Variants in DYM observed in about 807,000 individuals in gnomAD.
DYM encodes the protein dymeclin.
Under a neutral mutation model 93.1 loss-of-function variants are expected in DYM, and 78 were observed. That is an observed-to-expected ratio of 0.84 (90% CI 0.70 to 1.01). The LOEUF is 1.01. Among genes scored for constraint, DYM ranks in the 50% least tolerant of loss-of-function variants. The pLI is 0.00. For missense variants in DYM, 789 were observed against 845.0 expected, an observed-to-expected ratio of 0.93 and a Z score of 0.82; for synonymous variants, 321 against 319.7, an observed-to-expected ratio of 1.00 and a Z score of -0.04.
intron 16 of DYM, among the ~76,000 whole-genome samples, chr18:49,102,069 T>C (rs1355973652): frequency 2.0e-5 from 3 of 152,178 alleles, no homozygotes; most frequent in East Asian, 3.8e-4. Context: ...CCTCTTCTTA[T>C]AATATCTTCA....
In DYM at chr18:49,440,353, A is replaced by AATATAT. The variant is rs2081234412; in HGVS notation, c.-53-9907_-53-9906insATATAT. Among the ~76,000 whole-genome samples, 2 of 123,870 alleles carry AATATAT rather than the reference A, an allele frequency of 1.6e-5. 1 individual carries two copies. The highest frequency in any genetic ancestry group is 6.2e-4 in the East Asian group (2 of 3,204). The allele number at this position is 123,870 out of a possible 152,430, so 81.3% of individuals were successfully genotyped here. A position where few individuals can be genotyped will look rare whatever the true frequency, so the allele number is the denominator to read the frequency against. ...TACTATTATATATGATATATAATAT[A>AATATAT]GTATATGATATATAATATAGCATAT... On this transcript the variant is annotated intron_variant, in intron 1 of 17. Transcript: ENST00000675505.
chr18:49,284,074 G>C (rs2095058324), intron 9 of DYM, among the ~76,000 whole-genome samples: 1 of 152,120 alleles, frequency 6.6e-6, no homozygotes, highest in African/African-American at 2.4e-5. Context: ...ATGTTCACTG[G>C]AGGAAGATTC....
At chr18:49,051,954 A>G (rs1245297276) in intron 17 of DYM, among the ~76,000 whole-genome samples, 1 of 152,248 alleles carries the variant, frequency 6.6e-6, no homozygotes, top group Non-Finnish European at 1.5e-5. Context: ...CCCGAACCAT[A>G]GCGCCAGCTC....
chr18:49,443,512 T>G (rs548409108), intron 1 of DYM, among the ~76,000 whole-genome samples: 24 of 152,336 alleles, frequency 1.6e-4, no homozygotes, highest in African/African-American at 5.8e-4. Context: ...CACAGTGGAC[T>G]GTAGATTGTT....
chr18:49,188,745 C>T lies in DYM; in HGVS notation c.1625+20806G>A, dbSNP rs191036911. 5.6e-3 allele frequency among the ~76,000 whole-genome samples: 845 copies of T among 152,132 alleles called. 2 individuals carry two copies. Among genetic ancestry groups the T allele is most frequent in the South Asian group, 0.015 (71 of 4,814 alleles). On this transcript the variant is annotated intron_variant, in intron 14 of 17. Coordinates refer to ENST00000675505, the MANE Select transcript of DYM (RefSeq NM_001353214.3). ...TGGAGATATACCTAATGTTAAATGACGAGTTACTGGGTGCAGCACACCAAT... is the reference window on the plus strand; with the variant it reads ...TGGAGATATACCTAATGTTAAATGATGAGTTACTGGGTGCAGCACACCAAT...
intron 14 of DYM, among the ~76,000 whole-genome samples, chr18:49,167,005 T>C (rs2087972400): frequency 1.3e-5 from 2 of 149,210 alleles, no homozygotes; most frequent in South Asian, 2.1e-4. Flanking sequence ...TGTGTGTGTG[T>C]GTGTGTGTGT....
chr18:49,135,178 A>G (rs140070339), intron 15 of DYM, among the ~76,000 whole-genome samples: 138 of 152,288 alleles, frequency 9.1e-4, no homozygotes, highest in African/African-American at 3.2e-3. Context: ...TAAAAAAGAG[A>G]AAAAATGACT....
At chr18:49,378,388 G>C (rs908252518) in intron 5 of DYM, among the ~76,000 whole-genome samples, 179 bp downstream of exon 5, 1 of 151,894 alleles carries the variant, frequency 6.6e-6, no homozygotes, top group Non-Finnish European at 1.5e-5. Context: ...AACAAAAAAC[G>C]CTTGAGTCTT....
Position 49,040,629 on chromosome 18 carries a change from A to T in DYM, c.*3426T>A, listed in dbSNP as rs2070875537. ...TTTGGAGTCAGAAGGCCTAATAATC[A>T]GTCCCTAAAATCAAGTGGCAACTAC... On this transcript the variant is annotated 3_prime_UTR_variant, in exon 18 of 18. Coordinates refer to ENST00000675505, the MANE Select transcript of DYM (RefSeq NM_001353214.3). 6.6e-6 allele frequency among the ~76,000 whole-genome samples: 1 copy of T among 152,226 alleles called. No homozygotes were observed. Among genetic ancestry groups the T allele is most frequent in the Admixed American group, 6.5e-5 (1 of 15,290 alleles).
At chr18:49,256,805 T>C (rs999263721) in intron 13 of DYM, among the ~76,000 whole-genome samples, 1 of 152,194 alleles carries the variant, frequency 6.6e-6, no homozygotes, top group Non-Finnish European at 1.5e-5. Context: ...AAAGATTGAA[T>C]GTAAATACAA....
intron 8 of DYM, among the ~76,000 whole-genome samples, chr18:49,311,879 T>TA (rs754492886): frequency 2.3e-3 from 309 of 136,468 alleles, no homozygotes; most frequent in African/African-American, 6.8e-3. Context: ...GTATAATAAT[T>TA]AAAAAAAAAA....
rs372791718 is a variant in DYM at position 49,454,966 on chromosome 18, C to CCT, written c.-54+5430_-54+5431dup. ...GTCCATGGCCTCCTCCTTTTTTGGACCTCTCTCTCTCTCTCTCAAGGAGCT... is the reference window on the plus strand; with the variant it reads ...GTCCATGGCCTCCTCCTTTTTTGGACCTCTCTCTCTCTCTCTCTCAAGGAGCT... On this transcript the variant is annotated intron_variant, in intron 1 of 17. Coordinates refer to ENST00000675505, the MANE Select transcript of DYM (RefSeq NM_001353214.3). Among the ~76,000 whole-genome samples the CCT allele has an allele frequency of 1.8e-3, 265 of 143,964 alleles. 1 individual carries two copies. The highest frequency in any genetic ancestry group is 5.8e-3 in the African/African-American group (231 of 39,676). The allele number at this position is 143,964 out of a possible 152,430, so 94.4% of individuals were successfully genotyped here.
intron 10 of DYM, among the ~76,000 whole-genome samples, chr18:49,275,523 A>G (rs1417227927): frequency 6.6e-6 from 1 of 152,178 alleles, no homozygotes; most frequent in Non-Finnish European, 1.5e-5. Flanking sequence ...GGATTCTAAT[A>G]GGTATTGTGC....
At chr18:49,206,017 T>TTTTTTTTTTTTTG in intron 14 of DYM, 1 of 200,960 alleles carries the variant, frequency 5.0e-6, no homozygotes, top group Admixed American at 6.1e-5. Flanking sequence ...TTTTGTTTTT[T>TTTTTTTTTTTTTG]GCGGAGTCTT....
At chr18:49,424,158 G>A (rs541861305) in intron 2 of DYM, among the ~76,000 whole-genome samples, 13 of 152,156 alleles carry the variant, frequency 8.5e-5, no homozygotes, top group South Asian at 2.1e-4. Flanking sequence ...ATAAAATACT[G>A]GCAAACTGAA....
chr18:49,305,721 G>A (rs186912230), intron 8 of DYM, among the ~76,000 whole-genome samples: 120 of 152,032 alleles, frequency 7.9e-4, no homozygotes, highest in African/African-American at 2.6e-3. Context: ...AAAAATTTCC[G>A]ATCAAAAACA....
At chr18:49,170,732 T>C (rs1265495414) in intron 14 of DYM, among the ~76,000 whole-genome samples, 1 of 130,164 alleles carries the variant, frequency 7.7e-6, no homozygotes, top group Non-Finnish European at 1.5e-5. Context: ...TGAGCTGAGA[T>C]TCTCAAGTGC....
At chr18:49,400,269 A>T (rs1213578076) in intron 2 of DYM, among the ~76,000 whole-genome samples, 1 of 151,994 alleles carries the variant, frequency 6.6e-6, no homozygotes, top group Non-Finnish European at 1.5e-5. Context: ...TTCCAAATAT[A>T]AAAGAGCATA....
chr18:49,391,053 A>T (rs1599862515), intron 3 of DYM, among the ~76,000 whole-genome samples: 1 of 152,206 alleles, frequency 6.6e-6, no homozygotes, highest in Non-Finnish European at 1.5e-5. Flanking sequence ...CATGACACAC[A>T]TTGTACTGAA....
Sources: gnomAD v4.1 joint callset for allele counts (sites outside exome capture counted in the v4.1 genomes callset) on GRCh38, gnomAD v4.1.1 for gene constraint, MANE v1.5 for transcripts, NCBI Gene and HGNC (gene_info 2026-07-23, HGNC 2026-07-21) for gene names.